ARHGAP10: variants seen among roughly 807,000 people sequenced by gnomAD.
The protein encoded by ARHGAP10 is Rho GTPase activating protein 10, also known as rho GTPase-activating protein 10.
A neutral mutation model predicts 108.6 loss-of-function variants in ARHGAP10; 87 were observed. The observed-to-expected ratio is 0.80, with a 90% CI of 0.67 to 0.96. The LOEUF is 0.96. ARHGAP10 is among the 40% of genes least tolerant of loss of function. ARHGAP10 has a pLI of 0.00. For missense variants in ARHGAP10, 939 were observed against 954.5 expected, an observed-to-expected ratio of 0.98 and a Z score of 0.21; for synonymous variants, 347 against 341.1, an observed-to-expected ratio of 1.02 and a Z score of -0.19.
chr4:147,751,683 G>T (rs950246231), intron 1 of ARHGAP10, among the ~76,000 whole-genome samples: 1 of 151,292 alleles, frequency 6.6e-6, no homozygotes. Flanking sequence ...TGCTTTTTTT[G>T]GAGCACTTGT....
At chr4:147,832,577 G>A (rs192744246) in intron 3 of ARHGAP10, among the ~76,000 whole-genome samples, 231 of 127,162 alleles carry the variant, frequency 1.8e-3, no homozygotes, top group African/African-American at 5.8e-3. Context: ...AACCTGGAAG[G>A]CGGAGGTTAC....
chr4:148,067,951 G>A (rs1729970417), intron 22 of ARHGAP10, among the ~76,000 whole-genome samples: 1 of 152,158 alleles, frequency 6.6e-6, no homozygotes, highest in African/African-American at 2.4e-5. Context: ...CTAATGCCTA[G>A]CTGTTTCTCT....
At chr4:147,870,930 G>C (rs10030122) in intron 7 of ARHGAP10, among the ~76,000 whole-genome samples, 2 of 42,190 alleles carry the variant, frequency 4.7e-5, no homozygotes, top group East Asian at 1.3e-3. Flanking sequence ...ACTACAGACT[G>C]TGTGTGTGTG....
At chr4:147,981,897 G>T (rs889156732) in intron 18 of ARHGAP10, among the ~76,000 whole-genome samples, 1 of 151,884 alleles carries the variant, frequency 6.6e-6, no homozygotes, top group African/African-American at 2.4e-5. Flanking sequence ...GCTCTTTTTC[G>T]ATTCCATTTG....
chr4:148,064,421 G>A lies in ARHGAP10; in HGVS notation c.2186G>A (p.Arg729His), dbSNP rs368070329. ...TVADKPPESI[R>H]SRKARAVYPC... is the part of the protein sequence containing the mutation. ...TGTATTCTCTTTCTTTTCAGCATCCGCAGTCGGAAGGCTCGAGCCGTGTAT... is the reference window on the plus strand; with the variant it reads ...TGTATTCTCTTTCTTTTCAGCATCCACAGTCGGAAGGCTCGAGCCGTGTAT... Residue 729 changes from arginine (R) to histidine (H), a missense_variant, in exon 22 of 23, where the codon CGC becomes CAC. By Grantham distance (29) the Arg-to-His change is conservative. Transcript: ENST00000336498. The A allele has an allele frequency of 8.1e-6, 13 of 1,612,872 alleles. No homozygotes were observed. The highest frequency in any genetic ancestry group is 2.7e-5 in the African/African-American group (2 of 74,776).
intron 18 of ARHGAP10, among the ~76,000 whole-genome samples, chr4:147,977,090 A>T (rs1006504123): frequency 1.4e-4 from 22 of 152,230 alleles, no homozygotes; most frequent in African/African-American, 4.3e-4. Flanking sequence ...GCATCTGGAG[A>T]TGCGGAGCTG....
rs571347661 is a variant in ARHGAP10 at position 147,850,599 on chromosome 4, A to C, written c.384+3377A>C. ...AGACCACGAACCCACCAGAAGGAAG[A>C]AACTCCGGACACATCTGAACATCTG... On this transcript the variant is annotated intron_variant, in intron 4 of 22. Transcript: ENST00000336498. Among the ~76,000 whole-genome samples the C allele has an allele frequency of 1.4e-4, 22 of 152,280 alleles. 1 individual carries two copies. In the South Asian group the frequency reaches 4.6e-3, roughly 32 times the overall value.
At chr4:147,998,996 A>G (rs1740588921) in intron 18 of ARHGAP10, among the ~76,000 whole-genome samples, 1 of 152,234 alleles carries the variant, frequency 6.6e-6, no homozygotes, top group Non-Finnish European at 1.5e-5. Context: ...ATTTTGCACT[A>G]TCCACAGATA....
chr4:147,732,544 C>T, intron 1 of ARHGAP10, 89 bp downstream of exon 1: 5 of 1,539,180 alleles, frequency 3.2e-6, no homozygotes, highest in Non-Finnish European at 4.4e-6. Context: ...GTCTTGTGTC[C>T]GGGGCCAGCA....
At chr4:148,003,453 T>C (rs4364238) in intron 18 of ARHGAP10, among the ~76,000 whole-genome samples, 21,314 of 152,102 alleles carry the variant, frequency 0.14, 2,363 homozygotes, top group African/African-American at 0.31. Flanking sequence ...GAGCTGAGTT[T>C]AATTCCTGGA....
intron 1 of ARHGAP10, among the ~76,000 whole-genome samples, chr4:147,802,301 A>G (rs1731614100): frequency 1.3e-5 from 2 of 152,226 alleles, no homozygotes; most frequent in Admixed American, 6.5e-5. Context: ...TAGGTGATCC[A>G]TAGGCTAAAA....
chr4:147,737,838 G>T (rs1167556864), intron 1 of ARHGAP10, among the ~76,000 whole-genome samples: 1 of 152,152 alleles, frequency 6.6e-6, no homozygotes, highest in Admixed American at 6.5e-5. Flanking sequence ...ACTCCATTTA[G>T]AGTTGTTCCT....
At chr4:147,876,708 T>C (rs1406455950) in intron 8 of ARHGAP10, among the ~76,000 whole-genome samples, 3 of 152,236 alleles carry the variant, frequency 2.0e-5, no homozygotes, top group Non-Finnish European at 4.4e-5. Flanking sequence ...ATTTTTAGAT[T>C]CATCACTGTT....
chr4:147,841,187 G>A (rs1422619695), intron 3 of ARHGAP10, among the ~76,000 whole-genome samples: 1 of 152,208 alleles, frequency 6.6e-6, no homozygotes. Context: ...TGAGGAGAGA[G>A]CATCTGATTA....
At chr4:147,837,997 C>T (rs1733246142) in intron 3 of ARHGAP10, among the ~76,000 whole-genome samples, 1 of 151,968 alleles carries the variant, frequency 6.6e-6, no homozygotes, top group East Asian at 1.9e-4. Flanking sequence ...CAGATGTCTC[C>T]CTTCATCATT....
chr4:147,810,022 C>T (rs1731956458), intron 1 of ARHGAP10, among the ~76,000 whole-genome samples: 1 of 152,212 alleles, frequency 6.6e-6, no homozygotes, highest in Admixed American at 6.5e-5. Flanking sequence ...AGTATTTTCT[C>T]TATAAGTATG....
chr4:147,837,419 TA>T (rs1235809036), intron 3 of ARHGAP10, among the ~76,000 whole-genome samples: 1 of 152,158 alleles, frequency 6.6e-6, no homozygotes, highest in Non-Finnish European at 1.5e-5. Context: ...GGAAATTCAT[TA>T]AAGGGTATTG....
intron 1 of ARHGAP10, among the ~76,000 whole-genome samples, chr4:147,797,970 C>G (rs879931131): frequency 6.6e-6 from 1 of 152,060 alleles, no homozygotes; most frequent in Non-Finnish European, 1.5e-5. Context: ...TTTCATCTGT[C>G]TCTTACATTT....
intron 18 of ARHGAP10, among the ~76,000 whole-genome samples, chr4:148,012,772 A>G (rs1741214206): frequency 6.6e-6 from 1 of 152,174 alleles, no homozygotes. Context: ...AAATTCTAGG[A>G]ACCTGAGGTC....
Sources: gnomAD v4.1 joint callset for allele counts (sites outside exome capture counted in the v4.1 genomes callset) on GRCh38, gnomAD v4.1.1 for gene constraint, MANE v1.5 for transcripts, NCBI Gene and HGNC (gene_info 2026-07-23, HGNC 2026-07-21) for gene names.